The following DNER variants were observed in gnomAD, a reference collection of about 807,000 sequenced individuals.
The protein encoded by DNER is delta/notch like EGF repeat containing.
Under a neutral mutation model 78.2 loss-of-function variants are expected in DNER, and 33 were observed. That is an observed-to-expected ratio of 0.42 (90% confidence interval 0.32 to 0.56). The LOEUF is 0.56. Among genes scored for constraint, DNER ranks in the 20% least tolerant of loss-of-function variants. The pLI is 0.11. For missense variants in DNER, 918 were observed against 975.3 expected, an observed-to-expected ratio of 0.94 and a Z score of 0.78; for synonymous variants, 417 against 384.8, an observed-to-expected ratio of 1.08 and a Z score of -0.98.
At chr2:229,364,013 TC>T (rs1201419700) in intron 12 of DNER, among the ~76,000 whole-genome samples, 2,668 of 124,824 alleles carry the variant, frequency 0.021, 575 homozygotes, top group East Asian at 0.1. Flanking sequence ...TTTTTTTTTT[TC>T]TGAGACAGAG....
chr2:229,416,429 C>T (rs1246723959), intron 9 of DNER, among the ~76,000 whole-genome samples: 1 of 152,170 alleles, frequency 6.6e-6, no homozygotes, highest in African/African-American at 2.4e-5. Flanking sequence ...ACACATTCCC[C>T]TTCAGGGATG....
intron 1 of DNER, among the ~76,000 whole-genome samples, chr2:229,623,393 C>T (rs1392581308): frequency 2.6e-5 from 4 of 152,130 alleles, no homozygotes; most frequent in African/African-American, 7.2e-5. Context: ...CTTGCCTGCT[C>T]CCCCTCCCAT....
chr2:229,461,927 C>T (rs1432702689), intron 7 of DNER, among the ~76,000 whole-genome samples: 1 of 151,806 alleles, frequency 6.6e-6, no homozygotes, highest in African/African-American at 2.4e-5. Context: ...ATGGCAGCAG[C>T]CAAGAGATTT....
Position 229,512,919 on chromosome 2 carries a change from G to A in DNER, c.1011C>T (p.Thr337=), listed in dbSNP as rs1695896486. 2 of 1,613,904 alleles carry A rather than the reference G, an allele frequency of 1.2e-6. No individual in the cohort carries two copies. Among genetic ancestry groups the A allele is most frequent in the Non-Finnish European group, 1.7e-6 (2 of 1,179,926 alleles). The change falls in exon 6 of 13, where the codon ACC becomes ACT. Residue 337 remains threonine (T), a synonymous_variant. Coordinates refer to ENST00000341772, the MANE Select transcript of DNER (RefSeq NM_139072.4). ...AAGTACCCACGTACTGCTCCTCACA[G>A]GTACAGGAAAAAGTTGCCTAAAACA... The part of the protein sequence containing the change: ...TKPSEATFSC[T]CEEQYVGTFC...
At chr2:229,598,293 C>A (rs1263318831) in intron 1 of DNER, among the ~76,000 whole-genome samples, 1 of 152,240 alleles carries the variant, frequency 6.6e-6, no homozygotes, top group Non-Finnish European at 1.5e-5. Context: ...CTTTTACAGA[C>A]AACTCAATAT....
At chr2:229,614,026 TGG>T in intron 1 of DNER, among the ~76,000 whole-genome samples, 1 of 61,794 alleles carries the variant, frequency 1.6e-5, no homozygotes, top group South Asian at 6.0e-4. Context: ...GGGCCTGTTG[TGG>T]GGTGGGGGGG....
chr2:229,591,776 G>A lies in DNER; in HGVS notation c.389C>T (p.Pro130Leu). 1.2e-6 allele frequency: 2 copies of A among 1,614,136 alleles called. No individual in the cohort carries two copies. Among genetic ancestry groups the A allele is most frequent in the Non-Finnish European group, 1.7e-6 (2 of 1,180,008 alleles). ...LCICNEGYEGPNCEQALPSLP... is the reference protein window; with the variant it reads ...LCICNEGYEGLNCEQALPSLP... ...ACTGGGAAGTGCCTGTTCACAGTTG[G>A]GACCTTCATAGCCTTCATTGCAAAT... The change falls in exon 2 of 13, where the codon CCC (proline) becomes CTC (leucine). Residue 130 changes from proline to leucine, a missense_variant. Coordinates refer to ENST00000341772, the MANE Select transcript of DNER (RefSeq NM_139072.4). This position sits in a 1 kb window ranked among gnomAD's most constrained non-coding sequence, Gnocchi z 4.6.
rs564740976 is a variant in DNER, at chr2:229,567,639, A to C, written c.847+18219T>G. Among the ~76,000 whole-genome samples, 118 of 152,322 alleles carry C rather than the reference A, an allele frequency of 7.7e-4. 1 individual carries two copies. The highest frequency in any genetic ancestry group is 2.6e-3 in the African/African-American group (110 of 41,586). On this transcript the variant is annotated intron_variant, in intron 4 of 12. Transcript: ENST00000341772. ...TTACATATCTTGAGCACAGAGCCCC[A>C]AGCCAATTTAGGTAGAAGGCCTCAT...
rs59781255 is a variant in DNER at position 229,504,416 on chromosome 2, C to T, written c.1147+8367G>A. Among the ~76,000 whole-genome samples, 1,205 of 151,764 alleles carry T rather than the reference C, an allele frequency of 7.9e-3. 18 individuals are homozygous for T. Among genetic ancestry groups the T allele is most frequent in the African/African-American group, 0.026 (1,067 of 41,372 alleles). ...TGTATTTTTAGTAGAGAGAGGGTTT[C>T]GCCATATTGGCCAGGCTAGTCTCAA... On this transcript the variant is annotated intron_variant, in intron 6 of 12. Coordinates refer to ENST00000341772, the MANE Select transcript of DNER (RefSeq NM_139072.4).
rs146582236 is a variant in DNER at position 229,591,619 on chromosome 2, T to A, written c.546A>T (p.Thr182=). The stretch of plus-strand genomic sequence containing the variant: ...ATTTCATTTCTACAACTTTCTGCCC[T>A]GTTTTCGGCTGCCAGGTAGGCAGTG... The part of the protein sequence containing the change: ...TVTLPTWQPK[T]GQKVVEMKWD... The change falls in exon 2 of 13, where the codon ACA becomes ACT. Residue 182 remains threonine, a synonymous_variant. Coordinates refer to ENST00000341772, the MANE Select transcript of DNER (RefSeq NM_139072.4). The surrounding 1 kb of genome is among the most constrained non-coding windows in gnomAD (Gnocchi z 4.6). 28 of 1,614,060 alleles carry A rather than the reference T, an allele frequency of 1.7e-5. No homozygotes were observed. In the African/African-American group the frequency reaches 2.5e-4, roughly 15 times the overall value.
At chr2:229,438,735 G>T (rs1199947732) in intron 8 of DNER, among the ~76,000 whole-genome samples, 2 of 152,186 alleles carry the variant, frequency 1.3e-5, no homozygotes, top group South Asian at 4.2e-4. Flanking sequence ...GAAAAATCTG[G>T]TTAGAATACC....
At chr2:229,637,052 G>A (rs370719037) in intron 1 of DNER, among the ~76,000 whole-genome samples, 2 of 152,162 alleles carry the variant, frequency 1.3e-5, no homozygotes, top group East Asian at 3.8e-4. Flanking sequence ...AGAAACTTCT[G>A]TGAGGAACCA....
intron 1 of DNER, among the ~76,000 whole-genome samples, chr2:229,644,920 G>A (rs897829348): frequency 7.9e-5 from 12 of 152,134 alleles, no homozygotes; most frequent in African/African-American, 2.9e-4. Context: ...TCTGCAGGGT[G>A]TTTGTTGACA....
intron 12 of DNER, among the ~76,000 whole-genome samples, chr2:229,365,653 G>A (rs1692329285): frequency 6.6e-6 from 1 of 152,156 alleles, no homozygotes. Flanking sequence ...CCAGGCTGGT[G>A]TAGAACTCCT....
At position 229,388,280 on chromosome 2, in the gene DNER, C is replaced by T. The variant is rs1180881566; in HGVS notation, c.1840G>A (p.Ala614Thr). 1.0e-5 allele frequency: 16 copies of T among 1,607,624 alleles called. No homozygotes were observed. The East Asian group carries it at 3.6e-4, about 36-fold the overall frequency. Residue 614 changes from alanine (A) to threonine (T), a missense_variant, in exon 11 of 13, where the codon GCA becomes ACA. Transcript: ENST00000341772. Reference sequence around the variant, plus strand: ...AAATACTTACGGATCTCACAGTTTGCTCCCACCCAACCATGCGGGCAGTGG... The same window carrying T: ...AAATACTTACGGATCTCACAGTTTGTTCCCACCCAACCATGCGGGCAGTGG... ...NCHCPHGWVG[A>T]NCEIHLQWKS...
intron 5 of DNER, among the ~76,000 whole-genome samples, chr2:229,518,285 T>C (rs1305147187): frequency 1.3e-5 from 2 of 152,242 alleles, no homozygotes; most frequent in African/African-American, 4.8e-5. Context: ...TTCCATTCAT[T>C]CAACACACGT....
intron 5 of DNER, among the ~76,000 whole-genome samples, chr2:229,525,357 C>T (rs1008967855): frequency 1.7e-4 from 26 of 152,170 alleles, no homozygotes; most frequent in Non-Finnish European, 5.9e-5. Flanking sequence ...AAGTAGAACA[C>T]TGCATAAAGC....
chr2:229,588,199 C>G (rs1357914330), intron 3 of DNER, among the ~76,000 whole-genome samples, 195 bp downstream of exon 3: 1 of 152,180 alleles, frequency 6.6e-6, no homozygotes, highest in Non-Finnish European at 1.5e-5. Context: ...CTTGTCCAGC[C>G]TGAAAACCCT....
At chr2:229,644,600 G>A (rs1672891732) in intron 1 of DNER, among the ~76,000 whole-genome samples, 1 of 152,106 alleles carries the variant, frequency 6.6e-6, no homozygotes, top group African/African-American at 2.4e-5. Flanking sequence ...GCCCGCCTCA[G>A]CCTCCCAAAG....
Sources: gnomAD v4.1 joint callset for allele counts (sites outside exome capture counted in the v4.1 genomes callset) on GRCh38, gnomAD v4.1.1 for gene constraint, Gnocchi (gnomAD v3.1) non-coding constraint, MANE v1.5 for transcripts, NCBI Gene and HGNC (gene_info 2026-07-23, HGNC 2026-07-21) for gene names.